Variants in PTPN3 observed in about 807,000 individuals in gnomAD.
PTPN3 encodes the protein tyrosine-protein phosphatase non-receptor type 3.
In PTPN3, 96 loss-of-function variants were observed where a neutral mutation model predicts 132.7. That is an observed-to-expected ratio of 0.72 (90% CI 0.61 to 0.86). The LOEUF is 0.86. Among genes scored for constraint, PTPN3 ranks in the 40% least tolerant of loss-of-function variants. PTPN3 has a pLI of 0.00. For synonymous variants in PTPN3, 398 were observed against 429.0 expected (o/e 0.93, Z 0.89); for missense variants, 1,125 against 1,159.6 (o/e 0.97, Z 0.43).
chr9:109,485,400 C>T (rs938977645), intron 1 of PTPN3, among the ~76,000 whole-genome samples: 7 of 151,632 alleles, frequency 4.6e-5, no homozygotes, highest in Admixed American at 1.3e-4. Context: ...CCCAGCTACG[C>T]GGGAGGCTGA....
At chr9:109,398,693 G>A (rs1357759777) in intron 19 of PTPN3, among the ~76,000 whole-genome samples, 1 of 152,170 alleles carries the variant, frequency 6.6e-6, no homozygotes, top group Non-Finnish European at 1.5e-5. Flanking sequence ...GGGAAGCTGT[G>A]AGTCACCTGG....
rs1840448591 is a variant in PTPN3 at position 109,394,984 on chromosome 9, A to C, written c.1954-3423T>G. Among the ~76,000 whole-genome samples the C allele has an allele frequency of 4.6e-5, 7 of 151,920 alleles. 1 individual carries two copies. The South Asian group carries it at 1.5e-3, about 32-fold the overall frequency. ...GAAACCCCGTCTCTACTAAAAATACAAAAAAATTAGCTGGGCGTGGCAGCA... is the reference window on the plus strand; with the variant it reads ...GAAACCCCGTCTCTACTAAAAATACCAAAAAATTAGCTGGGCGTGGCAGCA... On this transcript the variant is annotated intron_variant, in intron 19 of 25. Transcript: ENST00000374541.
intron 19 of PTPN3, among the ~76,000 whole-genome samples, chr9:109,401,070 T>C (rs536374101): frequency 6.6e-6 from 1 of 152,334 alleles, no homozygotes; most frequent in Non-Finnish European, 1.5e-5. Context: ...CTGCAAATGA[T>C]TTTATTAAAA....
In PTPN3 at chr9:109,391,169, T is replaced by C. The variant is rs1261753929; in HGVS notation, c.2075A>G (p.Asn692Ser). The C allele has an allele frequency of 2.5e-6, 4 of 1,613,714 alleles. No individual in the cohort carries two copies. The highest frequency in any genetic ancestry group is 4.5e-5 in the East Asian group (2 of 44,888). Residue 692 changes from asparagine (N) to serine (S), a missense_variant, in exon 21 of 26, where the codon AAT (asparagine) becomes AGT (serine). By Grantham distance (46) the Asn-to-Ser change is conservative. Transcript: ENST00000374541. ...GTAACTTGCATTAATATAATCTTCATTTCCCTGCAATAATACCCGGGTGGT... is the reference window on the plus strand; with the variant it reads ...GTAACTTGCATTAATATAATCTTCACTTCCCTGCAATAATACCCGGGTGGT... ...YDTTRVLLQG[N>S]EDYINASYVN...
intron 4 of PTPN3, among the ~76,000 whole-genome samples, chr9:109,454,984 C>T (rs947496247): frequency 6.6e-6 from 1 of 152,230 alleles, no homozygotes; most frequent in Non-Finnish European, 1.5e-5. Flanking sequence ...CATTTCAACA[C>T]CACCATGACT....
chr9:109,380,214 A>AATCTATCT (rs55963327), intron 25 of PTPN3, among the ~76,000 whole-genome samples: 16,965 of 145,802 alleles, frequency 0.12, 1,035 homozygotes, highest in East Asian at 0.14. Flanking sequence ...CAGCTAGGAA[A>AATCTATCT]ATCTATCTAT....
At chr9:109,418,657 T>G (rs1230788343) in intron 14 of PTPN3, among the ~76,000 whole-genome samples, 1 of 152,232 alleles carries the variant, frequency 6.6e-6, no homozygotes, top group African/African-American at 2.4e-5. Flanking sequence ...ATGGGCTGTA[T>G]CTGTGCTGTC....
At position 109,427,036 on chromosome 9, in the gene PTPN3, ATGG is replaced by A; in HGVS notation, c.912_914del (p.His305del). 6.2e-7 allele frequency: 1 copy of A among 1,613,846 alleles called. No homozygotes were observed. Among genetic ancestry groups the A allele is most frequent in the Non-Finnish European group, 8.5e-7 (1 of 1,179,696 alleles). On this transcript the variant is annotated inframe_deletion, in exon 12 of 26. Transcript: ENST00000374541. ...GTAGCTTCTTTGCCTGAAAGAACGT[ATGG>A]TGCTCAACACAGGATTTCCACAAGT...
chr9:109,537,476 C>A, the PTPN3 span, among the ~76,000 whole-genome samples: 2 of 152,132 alleles, frequency 1.3e-5, no homozygotes, highest in Non-Finnish European at 2.9e-5. Context: ...GTGGGCAGGT[C>A]GAGTCTTGTC....
intron 5 of PTPN3, among the ~76,000 whole-genome samples, chr9:109,451,795 T>C (rs1266661835): frequency 1.3e-5 from 2 of 152,158 alleles, no homozygotes; most frequent in African/African-American, 4.8e-5. Flanking sequence ...TCCCTCAAGT[T>C]TGGCCACTGG....
At chr9:109,391,024 A>G in intron 21 of PTPN3, 114 bp downstream of exon 21, 1 of 911,876 alleles carries the variant, frequency 1.1e-6, no homozygotes, top group Non-Finnish European at 1.7e-6. Context: ...TGGTGCTGAA[A>G]TGCGGTGGTG....
chr9:109,527,207 T>C, the PTPN3 span, among the ~76,000 whole-genome samples: 2 of 152,228 alleles, frequency 1.3e-5, no homozygotes, highest in Admixed American at 6.5e-5. Flanking sequence ...ACACCTATAA[T>C]CCTAGCACTT....
At chr9:109,475,485 T>C (rs545988140) in intron 1 of PTPN3, among the ~76,000 whole-genome samples, 3 of 152,198 alleles carry the variant, frequency 2.0e-5, no homozygotes, top group African/African-American at 4.8e-5. Flanking sequence ...CATTTAGCTG[T>C]TTCTACCTAA....
intron 2 of PTPN3, among the ~76,000 whole-genome samples, chr9:109,461,848 A>C (rs1056369435): frequency 2.0e-5 from 3 of 152,188 alleles, no homozygotes; most frequent in African/African-American, 7.2e-5. Flanking sequence ...GTTAGTGCAG[A>C]CACAGAATAT....
chr9:109,509,213 C>T, the PTPN3 span, among the ~76,000 whole-genome samples: 2 of 152,274 alleles, frequency 1.3e-5, no homozygotes, highest in South Asian at 2.1e-4. Flanking sequence ...CTAAAACCCT[C>T]TTAGTGTCTC....
intron 4 of PTPN3, among the ~76,000 whole-genome samples, chr9:109,455,694 T>A (rs1845525406): frequency 6.6e-6 from 1 of 152,212 alleles, no homozygotes. Flanking sequence ...AAACTTTTCA[T>A]CTCTGCGCTG....
chr9:109,377,457 C>A lies in PTPN3; in HGVS notation c.*2099G>T, dbSNP rs982501904. 48 of 131,268 alleles carry A rather than the reference C, an allele frequency of 3.7e-4. No homozygotes were observed. The highest frequency in any genetic ancestry group is 5.9e-4 in the Non-Finnish European group (37 of 62,794). The allele number at this position is 131,268 out of a possible 1,614,324, so 8.1% of individuals were successfully genotyped here. A position where few individuals can be genotyped will look rare whatever the true frequency, so the allele number is the denominator to read the frequency against. Reference sequence around the variant, plus strand: ...ACACACACACACACACACACACACACAAGCCAGGTGAGGTGGCATGTGCCT... The same window carrying A: ...ACACACACACACACACACACACACAAAAGCCAGGTGAGGTGGCATGTGCCT... On this transcript the variant is annotated 3_prime_UTR_variant, in exon 26 of 26. Transcript: ENST00000374541.
At chr9:109,512,505 G>C in the PTPN3 span, among the ~76,000 whole-genome samples, 1 of 152,176 alleles carries the variant, frequency 6.6e-6, no homozygotes, top group East Asian at 1.9e-4. Context: ...AGAAATGTTT[G>C]TTAGGGACTC....
chr9:109,508,130 T>C, the PTPN3 span, among the ~76,000 whole-genome samples: 91 of 151,598 alleles, frequency 6.0e-4, no homozygotes, highest in Non-Finnish European at 9.7e-4. Flanking sequence ...CTCTAATCCC[T>C]GCACCAGAGA....
Sources: gnomAD v4.1 joint callset for allele counts (sites outside exome capture counted in the v4.1 genomes callset) on GRCh38, gnomAD v4.1.1 for gene constraint, MANE v1.5 for transcripts, NCBI Gene and HGNC (gene_info 2026-07-23, HGNC 2026-07-21) for gene names.